The following PREX1 variants were observed in gnomAD, a reference collection of about 807,000 sequenced individuals.
PREX1 encodes the protein phosphatidylinositol 3,4,5-trisphosphate-dependent Rac exchanger 1 protein.
In PREX1, 41 loss-of-function variants were observed where a neutral mutation model predicts 198.3. The ratio of observed to expected loss-of-function variants is 0.21; its 90% CI spans 0.16 to 0.27. The LOEUF (loss-of-function observed/expected upper bound fraction) is 0.27, where lower values mean the gene tolerates loss of function less well. Ranked by LOEUF, PREX1 falls within the 10% of genes least tolerant of loss-of-function variation. The probability of loss-of-function intolerance (pLI) is 1.00; values close to 1 mark genes in which losing one functional copy is unlikely to be tolerated. For synonymous variants in PREX1, 843 were observed against 887.2 expected, an observed-to-expected ratio of 0.95 and a Z score of 0.89; for missense variants, 1,620 against 2,200.7, an observed-to-expected ratio of 0.74 and a Z score of 5.28.
intron 1 of PREX1, among the ~76,000 whole-genome samples, chr20:48,760,290 C>T (rs1047763570): frequency 7.2e-5 from 11 of 152,058 alleles, no homozygotes; most frequent in Non-Finnish European, 1.3e-4. Context: ...ACATTTATCC[C>T]ACACTATTTT....
intron 2 of PREX1, among the ~76,000 whole-genome samples, chr20:48,745,809 C>T (rs1485251035): frequency 1.3e-5 from 2 of 152,206 alleles, no homozygotes; most frequent in African/African-American, 4.8e-5. Context: ...TTACCCACCA[C>T]CCCGCCACAC....
chr20:48,853,719 C>G, the PREX1 span, among the ~76,000 whole-genome samples: 2 of 152,196 alleles, frequency 1.3e-5, no homozygotes, highest in African/African-American at 2.4e-5. Context: ...CCTTTAAGGA[C>G]AGTCAATACA....
In PREX1 at chr20:48,655,465, C is replaced by T. The variant is rs554180682; in HGVS notation, c.2124-90G>A. On this transcript the variant is annotated intron_variant, in intron 18 of 39. Coordinates refer to ENST00000371941, the MANE Select transcript of PREX1 (RefSeq NM_020820.4). ...CCGGTGCCAACCCAGAGACTTTCTG[C>T]CTTGGAAACACTGGGAAAATTCAGC... The T allele has an allele frequency of 2.6e-6, 3 of 1,148,648 alleles. No individual in the cohort carries two copies. The East Asian group carries it at 8.9e-5, about 34-fold the overall frequency. The allele number at this position is 1,148,648 out of a possible 1,614,324, so 71.2% of individuals were successfully genotyped here. A position where few individuals can be genotyped will look rare whatever the true frequency, so the allele number is the denominator to read the frequency against.
At chr20:48,808,630 A>C (rs528239984) in intron 1 of PREX1, among the ~76,000 whole-genome samples, 11 of 152,170 alleles carry the variant, frequency 7.2e-5, no homozygotes, top group East Asian at 1.9e-4. Flanking sequence ...TCCAAGGACA[A>C]CACCACCTCA....
In PREX1 at chr20:48,657,136, A is replaced by T; in HGVS notation, c.2027T>A (p.Val676Glu). The T allele has an allele frequency of 6.2e-7, 1 of 1,613,286 alleles. No homozygotes were observed. The highest frequency in any genetic ancestry group is 8.5e-7 in the Non-Finnish European group (1 of 1,179,714). Reference protein sequence around the residue: ...RKIYSINEDLVFLRPFSEVES... With the variant: ...RKIYSINEDLEFLRPFSEVES... ...CACCTCTGAAAACGGCCGCAGGAAC[A>T]CCAGGTCCTCATTGATGGAGTAGAT... The change falls in exon 18 of 40, where the codon GTG (valine) becomes GAG (glutamate). Residue 676 changes from valine to glutamate, a missense_variant. Physicochemically the swap from Val to Glu is moderately radical, Grantham distance 121. Transcript: ENST00000371941.
In PREX1 at chr20:48,650,217, G is replaced by A. The variant is rs1298045466; in HGVS notation, c.2818-11C>T. ...CAGTTGGGCTGCAAACTGAGAAAGT[G>A]GAGGCCGTAAGGTCGTGAATCACAG... On this transcript the variant is annotated splice_polypyrimidine_tract_variant and intron_variant, in intron 23 of 39. Coordinates refer to ENST00000371941, the MANE Select transcript of PREX1 (RefSeq NM_020820.4). The A allele has an allele frequency of 6.2e-7, 1 of 1,603,080 alleles. No individual in the cohort carries two copies.
intron 15 of PREX1, among the ~76,000 whole-genome samples, chr20:48,661,444 A>AATATATAT (rs1159107194): frequency 1.2e-3 from 59 of 49,582 alleles, no homozygotes; most frequent in South Asian, 1.9e-3. Context: ...AAAAAAAAAA[A>AATATATAT]ATATATATAT....
intron 14 of PREX1, among the ~76,000 whole-genome samples, chr20:48,668,630 T>G (rs1052128900): frequency 6.6e-6 from 1 of 152,188 alleles, no homozygotes; most frequent in Non-Finnish European, 1.5e-5. Context: ...GACTCAGCCC[T>G]GGGCAGAAGG....
chr20:48,692,465 G>T (rs187981040), intron 8 of PREX1: 15 of 472,816 alleles, frequency 3.2e-5, no homozygotes, highest in African/African-American at 2.7e-4. Flanking sequence ...TTGCAAGGAG[G>T]AAGGATTTGG....
chr20:48,711,607 C>T (rs1163423200), intron 5 of PREX1, among the ~76,000 whole-genome samples: 1 of 152,150 alleles, frequency 6.6e-6, no homozygotes. Context: ...AAAGTTTTGT[C>T]GGAACCAAGT....
the PREX1 span, among the ~76,000 whole-genome samples, chr20:48,850,186 A>G: frequency 6.6e-5 from 10 of 152,120 alleles, no homozygotes; most frequent in East Asian, 7.7e-4. Context: ...CCCTTCAGTC[A>G]TTTTCTCTAC....
chr20:48,670,272 C>A (rs977029667), intron 14 of PREX1, among the ~76,000 whole-genome samples: 4 of 152,142 alleles, frequency 2.6e-5, no homozygotes, highest in African/African-American at 9.7e-5. Flanking sequence ...GCCAGCCTGA[C>A]CCCCGCCTCT....
chr20:48,718,879 C>T (rs2123111367), intron 5 of PREX1, among the ~76,000 whole-genome samples: 1 of 152,276 alleles, frequency 6.6e-6, no homozygotes, highest in South Asian at 2.1e-4. Context: ...CTGAGGCACA[C>T]AGAGTTTAAG....
rs553128987 is a variant in PREX1, at chr20:48,639,470, G to C, written c.3904+296C>G. Among the ~76,000 whole-genome samples, 9 of 152,310 alleles carry C rather than the reference G, an allele frequency of 5.9e-5. No individual in the cohort carries two copies. The East Asian group carries it at 1.7e-3, about 29-fold the overall frequency. On this transcript the variant is annotated intron_variant, in intron 30 of 39. Transcript: ENST00000371941. ...TGCTTTGGAAGCTGAGAAAGAACAG[G>C]TTCAGCCTTTTCAACCTCCAAAGTC...
intron 6 of PREX1, among the ~76,000 whole-genome samples, chr20:48,707,319 G>A (rs1433397607): frequency 4.6e-5 from 7 of 152,166 alleles, no homozygotes; most frequent in African/African-American, 1.7e-4. Flanking sequence ...CGGCTGGGCA[G>A]GAAGGCCCAG....
intron 37 of PREX1, 152 bp downstream of exon 37, chr20:48,629,297 A>T (rs1029651154): frequency 9.1e-7 from 1 of 1,101,218 alleles, no homozygotes; most frequent in Non-Finnish European, 1.3e-6. Context: ...ACAGACAGAC[A>T]AACTGAGGTG....
chr20:48,676,424 A>G (rs1395580318), intron 13 of PREX1, among the ~76,000 whole-genome samples, 156 bp from the exon 14 acceptor site: 1 of 152,190 alleles, frequency 6.6e-6, no homozygotes, highest in African/African-American at 2.4e-5. Flanking sequence ...GACTCCACAC[A>G]TCACTTGCAG....
intron 37 of PREX1, 43 bp from the exon 38 acceptor site, chr20:48,628,006 C>A: frequency 8.3e-7 from 1 of 1,202,952 alleles, no homozygotes; most frequent in Non-Finnish European, 1.2e-6. Flanking sequence ...GGTGGGGGGA[C>A]AGGGGTCGGG....
chr20:48,694,732 C>T (rs550213822), intron 7 of PREX1, among the ~76,000 whole-genome samples: 36 of 152,102 alleles, frequency 2.4e-4, no homozygotes, highest in Non-Finnish European at 3.2e-4. Flanking sequence ...GATTCAGGAA[C>T]GTGGAAGAGA....
Sources: gnomAD v4.1 joint callset for allele counts (sites outside exome capture counted in the v4.1 genomes callset) on GRCh38, gnomAD v4.1.1 for gene constraint, MANE v1.5 for transcripts, NCBI Gene and HGNC (gene_info 2026-07-23, HGNC 2026-07-21) for gene names.